Variants in RALGPS1 observed in about 807,000 individuals in gnomAD.
The protein encoded by RALGPS1 is Ral GEF with PH domain and SH3 binding motif 1, also known as ras-specific guanine nucleotide-releasing factor RalGPS1.
Under a neutral mutation model 78.8 loss-of-function variants are expected in RALGPS1, and 19 were observed. The observed-to-expected ratio is 0.24, with a 90% CI of 0.17 to 0.35. RALGPS1 has a LOEUF of 0.35. Among genes scored for constraint, RALGPS1 ranks in the 10% least tolerant of loss-of-function variants. The probability of loss-of-function intolerance (pLI) is 1.00; values close to 1 mark genes in which losing one functional copy is unlikely to be tolerated. For synonymous variants in RALGPS1, 228 were observed against 256.3 expected (o/e 0.89, Z 1.06); for missense variants, 454 against 688.3 (o/e 0.66, Z 3.81).
intron 1 of RALGPS1, among the ~76,000 whole-genome samples, chr9:126,948,185 T>G (rs1309926377): frequency 6.6e-6 from 1 of 151,960 alleles, no homozygotes; most frequent in Non-Finnish European, 1.5e-5. Flanking sequence ...TTTTATCCAG[T>G]TTACATAATT....
At chr9:126,947,635 C>G (rs1408657638) in intron 1 of RALGPS1, among the ~76,000 whole-genome samples, 3 of 152,296 alleles carry the variant, frequency 2.0e-5, no homozygotes, top group East Asian at 1.9e-4. Context: ...AGTGAGTGTT[C>G]AGATCCTGGT....
intron 1 of RALGPS1, among the ~76,000 whole-genome samples, chr9:126,952,124 T>C (rs1298915281): frequency 6.6e-6 from 1 of 152,238 alleles, no homozygotes; most frequent in Non-Finnish European, 1.5e-5. Flanking sequence ...GTGAAGGACC[T>C]CTTCAGTCTC....
At chr9:127,163,812 A>C (rs2059148982) in intron 8 of RALGPS1, among the ~76,000 whole-genome samples, 1 of 152,184 alleles carries the variant, frequency 6.6e-6, no homozygotes, top group Non-Finnish European at 1.5e-5. Context: ...CCATGCACAA[A>C]CCCTCACAAC....
chr9:127,184,852 T>C (rs966607526), intron 11 of RALGPS1, among the ~76,000 whole-genome samples: 9 of 152,178 alleles, frequency 5.9e-5, no homozygotes, highest in Non-Finnish European at 1.3e-4. Context: ...CTGCCTCCCA[T>C]TAATTTCTGA....
intron 11 of RALGPS1, among the ~76,000 whole-genome samples, chr9:127,189,004 A>C (rs1351891347): frequency 8.7e-5 from 11 of 127,150 alleles, no homozygotes; most frequent in African/African-American, 2.3e-4. Context: ...TCTCAAAAAA[A>C]AAAAAAAAAA....
At chr9:126,982,940 T>C (rs1247415416) in intron 4 of RALGPS1, among the ~76,000 whole-genome samples, 29 of 128,728 alleles carry the variant, frequency 2.3e-4, no homozygotes, top group African/African-American at 7.5e-4. Flanking sequence ...TTTTTTTTTT[T>C]TTTTTTTTTT....
At position 127,209,850 on chromosome 9, in the gene RALGPS1, G is replaced by A. The variant is rs1411596904; in HGVS notation, c.1248-2281G>A. On this transcript the variant is annotated intron_variant, in intron 14 of 18. Coordinates refer to ENST00000259351, the MANE Select transcript of RALGPS1 (RefSeq NM_014636.3). ...ACGGCTGACCATGGAGGACTGAGGGGATCTTACAAAGGAACTCTGGGCCTC... is the reference window on the plus strand; with the variant it reads ...ACGGCTGACCATGGAGGACTGAGGGAATCTTACAAAGGAACTCTGGGCCTC... Among the ~76,000 whole-genome samples, 3 of 152,198 alleles carry A rather than the reference G, an allele frequency of 2.0e-5. No individual in the cohort carries two copies. The East Asian group carries it at 5.8e-4, about 29-fold the overall frequency.
intron 14 of RALGPS1, among the ~76,000 whole-genome samples, chr9:127,202,930 G>A (rs2061721598): frequency 6.6e-6 from 1 of 151,978 alleles, no homozygotes; most frequent in African/African-American, 2.4e-5. Flanking sequence ...AGGGCATTCA[G>A]TTACCTGGAG....
At chr9:127,138,725 G>A (rs1049866972) in intron 8 of RALGPS1, among the ~76,000 whole-genome samples, 1 of 152,120 alleles carries the variant, frequency 6.6e-6, no homozygotes, top group African/African-American at 2.4e-5. Flanking sequence ...AGGTGTCCCC[G>A]AGTCTCAGTG....
chr9:127,088,831 C>T, intron 8 of RALGPS1: 2 of 1,315,110 alleles, frequency 1.5e-6, no homozygotes, highest in Non-Finnish European at 1.1e-6. Flanking sequence ...CATCCCGGTC[C>T]TCCCAGCCTC....
chr9:126,941,348 G>A (rs958477964), intron 1 of RALGPS1, among the ~76,000 whole-genome samples: 1 of 152,152 alleles, frequency 6.6e-6, no homozygotes, highest in African/African-American at 2.4e-5. Flanking sequence ...ATAAGTGCTT[G>A]AGGTGACAGA....
Position 127,198,910 on chromosome 9 carries a change from C to T in RALGPS1, c.1196-105C>T, listed in dbSNP as rs528762822. 22 of 975,228 alleles carry T rather than the reference C, an allele frequency of 2.3e-5. No individual in the cohort carries two copies. The African/African-American group carries it at 3.0e-4, about 13-fold the overall frequency. 60.4% of individuals were successfully genotyped at this position (975,228 alleles called of 1,614,324 possible). A position where few individuals can be genotyped will look rare whatever the true frequency, so the allele number is the denominator to read the frequency against. On this transcript the variant is annotated intron_variant, in intron 13 of 18. Transcript: ENST00000259351. The stretch of plus-strand genomic sequence containing the variant: ...GGCTCCCAATGTCAGGAAGCAGTTT[C>T]TGTGGCACTTCTGTGAGCTCAGGGG...
intron 4 of RALGPS1, among the ~76,000 whole-genome samples, chr9:126,983,301 GT>G (rs1277664712): frequency 6.6e-6 from 1 of 151,760 alleles, no homozygotes; most frequent in Non-Finnish European, 1.5e-5. Flanking sequence ...CACATACTGG[GT>G]TTATATAGGA....
chr9:126,947,824 AATGAAG>A (rs2131632092), intron 1 of RALGPS1, among the ~76,000 whole-genome samples: 1 of 152,282 alleles, frequency 6.6e-6, no homozygotes, highest in South Asian at 2.1e-4. Flanking sequence ...TTGTCTATAG[AATGAAG>A]GGTGGGTGCT....
intron 8 of RALGPS1, among the ~76,000 whole-genome samples, chr9:127,111,615 A>G (rs768503890): frequency 5.9e-5 from 9 of 152,360 alleles, no homozygotes; most frequent in Non-Finnish European, 1.3e-4. Flanking sequence ...GTATTTATTA[A>G]TAACATCCAT....
intron 8 of RALGPS1, among the ~76,000 whole-genome samples, chr9:127,140,752 A>G (rs959733425): frequency 3.9e-5 from 6 of 152,182 alleles, no homozygotes; most frequent in African/African-American, 1.4e-4. Context: ...CCCCAAAAAA[A>G]TCTGGTAGAG....
Position 127,091,593 on chromosome 9 carries a change from C to T in RALGPS1, c.610+22237C>T. 2.6e-6 allele frequency: 4 copies of T among 1,546,076 alleles called. No homozygotes were observed. The highest frequency in any genetic ancestry group is 3.5e-6 in the Non-Finnish European group (4 of 1,145,110). ...ACCCTGGGATCTTCCCGTTTCCAAG[C>T]CCTGGAGTCAGGGGCTCTGGCTCTG... is the stretch of plus-strand genomic sequence containing the variant. On this transcript the variant is annotated intron_variant, in intron 8 of 18. Transcript: ENST00000259351. This position sits in a 1 kb window ranked among gnomAD's most constrained non-coding sequence, Gnocchi z 4.3.
In RALGPS1 at chr9:127,218,621, A is replaced by G. The variant is rs1281618174; in HGVS notation, c.1645-119A>G. ...ATTGTTATTGCCATACCCTCTCCCT[A>G]CCCAACCTGCTCATTCCCAGACTCA... On this transcript the variant is annotated intron_variant, in intron 18 of 18. Coordinates refer to ENST00000259351, the MANE Select transcript of RALGPS1 (RefSeq NM_014636.3). The surrounding 1 kb of genome is among the most constrained non-coding windows in gnomAD (Gnocchi z 4.4). The G allele has an allele frequency of 9.3e-7, 1 of 1,074,004 alleles. No homozygotes were observed. Among genetic ancestry groups the G allele is most frequent in the South Asian group, 1.3e-5 (1 of 79,414 alleles). The allele number at this position is 1,074,004 out of a possible 1,614,324, so 66.5% of individuals were successfully genotyped here. A position where few individuals can be genotyped will look rare whatever the true frequency, so the allele number is the denominator to read the frequency against.
In RALGPS1 at chr9:127,212,078, G is replaced by A. The variant is rs2062295550; in HGVS notation, c.1248-53G>A. ...CCTGTGGTCCCCAGTGAGTGAGAGG[G>A]TGCTTGACCTCAGCTCCTCCAGGGC... is the stretch of plus-strand genomic sequence containing the variant. On this transcript the variant is annotated intron_variant, in intron 14 of 18. Coordinates refer to ENST00000259351, the MANE Select transcript of RALGPS1 (RefSeq NM_014636.3). The surrounding 1 kb of genome is among the most constrained non-coding windows in gnomAD (Gnocchi z 6.0). The A allele has an allele frequency of 1.4e-6, 2 of 1,443,106 alleles. No individual in the cohort carries two copies. The highest frequency in any genetic ancestry group is 1.9e-6 in the Non-Finnish European group (2 of 1,049,636). 89.4% of individuals were successfully genotyped at this position (1,443,106 alleles called of 1,614,324 possible). A position where few individuals can be genotyped will look rare whatever the true frequency, so the allele number is the denominator to read the frequency against.
Sources: allele counts gnomAD v4.1 joint callset (sites outside exome capture counted in the v4.1 genomes callset), GRCh38; gene constraint gnomAD v4.1.1; non-coding constraint Gnocchi (gnomAD v3.1); transcripts MANE v1.5; gene names NCBI Gene and HGNC (gene_info 2026-07-23, HGNC 2026-07-21).